Variants in LYPD6 observed in about 807,000 individuals in gnomAD.
The protein encoded by LYPD6 is LY6/PLAUR domain containing 6.
A neutral mutation model predicts 22.7 loss-of-function variants in LYPD6; 15 were observed. The ratio of observed to expected loss-of-function variants is 0.66; its 90% CI spans 0.44 to 1.02. The LOEUF is 1.02. LYPD6 is among the 50% of genes least tolerant of loss of function. LYPD6 has a pLI of 0.00. For synonymous variants in LYPD6, 72 were observed against 77.5 expected (o/e 0.93, Z 0.37); for missense variants, 189 against 208.4 (o/e 0.91, Z 0.57).
chr2:149,481,966 C>T, the LYPD6 span, among the ~76,000 whole-genome samples: 1 of 152,158 alleles, frequency 6.6e-6, no homozygotes, highest in Non-Finnish European at 1.5e-5. Context: ...GATCAGGGCT[C>T]AGACCCTGGG....
At chr2:149,340,398 C>G (rs1034888595) in intron 1 of LYPD6, among the ~76,000 whole-genome samples, 1 of 152,144 alleles carries the variant, frequency 6.6e-6, no homozygotes, top group Non-Finnish European at 1.5e-5. Flanking sequence ...TCTACTTTTA[C>G]TTACATGGTT....
intron 1 of LYPD6, among the ~76,000 whole-genome samples, chr2:149,334,464 G>T (rs78766281): frequency 6.6e-6 from 1 of 152,314 alleles, no homozygotes; most frequent in African/African-American, 2.4e-5. Context: ...TACACACATT[G>T]GAGGTAATAG....
At chr2:149,330,406 C>G (rs1231864496), upstream of LYPD6, 1 of 150,830 alleles carries the variant, frequency 6.6e-6, no homozygotes, top group Non-Finnish European at 1.5e-5. Flanking sequence ...CGGAGTTGGG[C>G]CGCGCGCGCC....
chr2:149,374,773 G>A lies in LYPD6; in HGVS notation c.-72+44051G>A, dbSNP rs547701514. ...ACATGTTAGGCTTTTACTATACATG[G>A]TTAATATTTTCAGGATGAAATTTGA... On this transcript the variant is annotated intron_variant, in intron 1 of 4. Coordinates refer to ENST00000334166, the MANE Select transcript of LYPD6 (RefSeq NM_194317.5). Among the ~76,000 whole-genome samples the A allele has an allele frequency of 2.6e-5, 4 of 152,246 alleles. No homozygotes were observed. In the South Asian group the frequency reaches 8.3e-4, roughly 32 times the overall value.
chr2:149,467,748 G>A (rs907252387), intron 3 of LYPD6, among the ~76,000 whole-genome samples: 18 of 152,226 alleles, frequency 1.2e-4, no homozygotes, highest in East Asian at 1.9e-4. Context: ...CTTTTTTAAT[G>A]TGAAAGTAGA....
At chr2:149,468,132 A>ACAC (rs1681243964) in intron 3 of LYPD6, among the ~76,000 whole-genome samples, 9 of 114,716 alleles carry the variant, frequency 7.8e-5, no homozygotes, top group African/African-American at 1.0e-4. Context: ...GCTTCCCCCC[A>ACAC]ACACACACAC....
intron 1 of LYPD6, among the ~76,000 whole-genome samples, chr2:149,403,223 T>A (rs1182927236): frequency 1.3e-5 from 2 of 152,082 alleles, no homozygotes; most frequent in East Asian, 3.9e-4. Flanking sequence ...CAGCATGATT[T>A]GTAGTCCTTT....
chr2:149,475,193 G>A (rs1681429369), downstream of LYPD6, among the ~76,000 whole-genome samples: 1 of 152,146 alleles, frequency 6.6e-6, no homozygotes, highest in African/African-American at 2.4e-5. Context: ...GAAATACTTA[G>A]AGCACTTACA....
chr2:149,451,229 C>T (rs72863983), intron 3 of LYPD6, among the ~76,000 whole-genome samples: 2 of 152,138 alleles, frequency 1.3e-5, no homozygotes, highest in African/African-American at 2.4e-5. Context: ...TGTGGCCTCA[C>T]GTGGCAGAAG....
intron 3 of LYPD6, among the ~76,000 whole-genome samples, chr2:149,458,508 A>G (rs990360517): frequency 3.3e-5 from 5 of 152,220 alleles, no homozygotes; most frequent in African/African-American, 7.2e-5. Context: ...AGAGTGTCCT[A>G]ACATAATAAC....
chr2:149,475,993 G>C (rs1182167441), downstream of LYPD6, among the ~76,000 whole-genome samples: 4 of 152,094 alleles, frequency 2.6e-5, no homozygotes, highest in Non-Finnish European at 5.9e-5. Flanking sequence ...CCATTTCTCA[G>C]GTCACAAAGT....
At chr2:149,390,872 C>G (rs1682291943) in intron 1 of LYPD6, among the ~76,000 whole-genome samples, 1 of 152,090 alleles carries the variant, frequency 6.6e-6, no homozygotes. Context: ...ATAAAAACAA[C>G]TTTTATTTAT....
chr2:149,389,131 A>G (rs1269591407), intron 1 of LYPD6, among the ~76,000 whole-genome samples: 1 of 152,200 alleles, frequency 6.6e-6, no homozygotes, highest in South Asian at 2.1e-4. Flanking sequence ...TTGGCTTTTA[A>G]AGACTTATGA....
intron 1 of LYPD6, among the ~76,000 whole-genome samples, chr2:149,409,615 G>T (rs1233126163): frequency 6.6e-6 from 1 of 152,132 alleles, no homozygotes; most frequent in African/African-American, 2.4e-5. Flanking sequence ...TTTGGGTGGG[G>T]CTTGTTGCAG....
chr2:149,405,294 G>C (rs1415251817), intron 1 of LYPD6, among the ~76,000 whole-genome samples: 4 of 152,058 alleles, frequency 2.6e-5, no homozygotes, highest in South Asian at 2.1e-4. Flanking sequence ...GATTGGAATA[G>C]TTTCAGAAGC....
At chr2:149,390,143 A>G (rs1682277047) in intron 1 of LYPD6, among the ~76,000 whole-genome samples, 1 of 152,172 alleles carries the variant, frequency 6.6e-6, no homozygotes, top group Non-Finnish European at 1.5e-5. Flanking sequence ...GATCTTGATT[A>G]ATTTTCACAG....
In LYPD6 at chr2:149,471,657, C is replaced by T. The variant is rs1681337249; in HGVS notation, c.*807C>T. 6.6e-6 allele frequency: 1 copy of T among 152,336 alleles called. No homozygotes were observed. Among genetic ancestry groups the T allele is most frequent in the South Asian group, 2.1e-4 (1 of 4,818 alleles). 9.4% of individuals were successfully genotyped at this position (152,336 alleles called of 1,614,324 possible). A position where few individuals can be genotyped will look rare whatever the true frequency, so the allele number is the denominator to read the frequency against. ...CACCTGAGTCAATTGTGTCCAGAGC[C>T]CCAAACCAGGATGGAGTTGTTTTCC... On this transcript the variant is annotated 3_prime_UTR_variant, in exon 5 of 5. Transcript: ENST00000334166.
chr2:149,407,449 T>G (rs1559141047), intron 1 of LYPD6, among the ~76,000 whole-genome samples: 2 of 152,176 alleles, frequency 1.3e-5, no homozygotes, highest in Non-Finnish European at 2.9e-5. Flanking sequence ...TTCTTTTTTC[T>G]CTAAACTTCC....
chr2:149,412,491 A>C (rs141023565), intron 1 of LYPD6, among the ~76,000 whole-genome samples: 3 of 151,832 alleles, frequency 2.0e-5, no homozygotes, highest in African/African-American at 7.3e-5. Flanking sequence ...ATTTTTTTTA[A>C]TACAGATTTT....
Sources: allele counts gnomAD v4.1 joint callset (sites outside exome capture counted in the v4.1 genomes callset), GRCh38; gene constraint gnomAD v4.1.1; transcripts MANE v1.5; gene names NCBI Gene and HGNC (gene_info 2026-07-23, HGNC 2026-07-21).